The following ZNF707 variants were observed in gnomAD, a reference collection of about 807,000 sequenced individuals.
The protein encoded by ZNF707 is zinc finger protein 707.
In ZNF707, 8 loss-of-function variants were observed where a neutral mutation model predicts 13.3. The ratio of observed to expected loss-of-function variants is 0.60; its 90% CI spans 0.35 to 1.09. The LOEUF (loss-of-function observed/expected upper bound fraction) is 1.09, where lower values mean the gene tolerates loss of function less well. ZNF707 is among the 50% of genes least tolerant of loss of function. ZNF707 has a pLI of 0.02. For synonymous variants in ZNF707, 225 were observed against 205.6 expected, an observed-to-expected ratio of 1.09 and a Z score of -0.81; for missense variants, 530 against 512.6, an observed-to-expected ratio of 1.03 and a Z score of -0.33.
intron 5 of ZNF707, 196 bp downstream of exon 5, chr8:143,691,909 G>T (rs11136313): frequency 0.76 from 818,643 of 1,082,638 alleles, 323,074 homozygotes; most frequent in Non-Finnish European, 0.83. Flanking sequence ...CTGGCCGGGG[G>T]TGGGGCTCGA....
chr8:143,685,488 T>C (rs1263612072), intron 1 of ZNF707, among the ~76,000 whole-genome samples: 1 of 145,562 alleles, frequency 6.9e-6, no homozygotes, highest in Non-Finnish European at 1.5e-5. Context: ...ATCGCGCCAC[T>C]GCACTCCAGC....
Position 143,694,670 on chromosome 8 carries a change from C to T in ZNF707, c.*140C>T, listed in dbSNP as rs554441219. The T allele has an allele frequency of 2.3e-5, 23 of 999,978 alleles. No homozygotes were observed. Among genetic ancestry groups the T allele is most frequent in the Non-Finnish European group, 2.8e-6 (2 of 711,936 alleles). The allele number at this position is 999,978 out of a possible 1,614,324, so 61.9% of individuals were successfully genotyped here. ...TCTTAGTCCTCAGAGCTCCCCAGTC[C>T]CCCGAGAAGTTTACTGGGAAAACTG... On this transcript the variant is annotated 3_prime_UTR_variant, in exon 6 of 6. Transcript: ENST00000358656. The surrounding 1 kb of genome is among the most constrained non-coding windows in gnomAD (Gnocchi z 4.4).
chr8:143,692,084 C>T (rs2131531813), intron 5 of ZNF707: 3 of 1,345,548 alleles, frequency 2.2e-6, no homozygotes. Flanking sequence ...AGGCCTGGTA[C>T]TGACTGCACG....
chr8:143,691,046 C>G, intron 3 of ZNF707, 27 bp from the exon 4 acceptor site: 4 of 1,613,134 alleles, frequency 2.5e-6, no homozygotes, highest in Non-Finnish European at 3.4e-6. Context: ...TTGGGAATGG[C>G]CTCTTCGGGA....
In ZNF707 at chr8:143,694,089, C is replaced by T; in HGVS notation, c.675C>T (p.Asn225=). The change falls in exon 6 of 6, where the codon AAC becomes AAT. Residue 225 remains asparagine, a synonymous_variant. Transcript: ENST00000358656. The surrounding 1 kb of genome is among the most constrained non-coding windows in gnomAD (Gnocchi z 4.4). ...CAAACCTGCAGCGCCACCAGAAGAA[C>T]CACACGCGCGAGAAGCCCTTCTGCT... ...WASNLQRHQK[N]HTREKPFCCE... is the part of the protein sequence containing the mutation. 6.2e-7 allele frequency: 1 copy of T among 1,607,544 alleles called. No homozygotes were observed. Among genetic ancestry groups the T allele is most frequent in the Non-Finnish European group, 8.5e-7 (1 of 1,177,944 alleles).
chr8:143,691,926 T>C lies in ZNF707; in HGVS notation c.256+213T>C, dbSNP rs1015714015. The C allele has an allele frequency of 3.0e-5, 36 of 1,192,002 alleles. No homozygotes were observed. The Admixed American group carries it at 5.7e-4, about 19-fold the overall frequency. The allele number at this position is 1,192,002 out of a possible 1,614,324, so 73.8% of individuals were successfully genotyped here. A position where few individuals can be genotyped will look rare whatever the true frequency, so the allele number is the denominator to read the frequency against. ...GGCCGGGGGTGGGGCTCGAAAGGCA[T>C]AGTGCTGCAGGATGACATACAGCTG... is the stretch of plus-strand genomic sequence containing the variant. On this transcript the variant is annotated intron_variant, in intron 5 of 5. Coordinates refer to ENST00000358656, the MANE Select transcript of ZNF707 (RefSeq NM_001100598.2).
At chr8:143,690,394 A>C in intron 3 of ZNF707, 1 of 460,114 alleles carries the variant, frequency 2.2e-6, no homozygotes, top group Non-Finnish European at 3.8e-6. Context: ...ACACGGTGAA[A>C]CCCCATCTCT....
rs1554614642 is a variant in ZNF707, at chr8:143,694,194, C to A, written c.780C>A (p.Tyr260Ter). Reference protein sequence around the residue: ...HRKVHTEHRPYSCGDCGKAFK... With the variant: ...HRKVHTEHRP The stretch of plus-strand genomic sequence containing the variant: ...AGGTCCACACCGAGCACAGGCCCTA[C>A]TCGTGTGGCGACTGTGGGAAAGCCT... Residue 260 changes from tyrosine (Y) to a stop codon, truncating the protein, a stop_gained, in exon 6 of 6, where the codon TAC becomes TAA. Coordinates refer to ENST00000358656, the MANE Select transcript of ZNF707 (RefSeq NM_001100598.2). LOFTEE classifies it low-confidence loss of function (END_TRUNC). This position sits in a 1 kb window ranked among gnomAD's most constrained non-coding sequence, Gnocchi z 4.4. The A allele has an allele frequency of 6.3e-7, 1 of 1,575,348 alleles. No individual in the cohort carries two copies. The highest frequency in any genetic ancestry group is 8.6e-7 in the Non-Finnish European group (1 of 1,161,126).
chr8:143,684,643 G>A (rs1816083639), intron 1 of ZNF707, 101 bp downstream of exon 1: 1 of 152,298 alleles, frequency 6.6e-6, no homozygotes, highest in Non-Finnish European at 1.5e-5. Flanking sequence ...ACCCAGCGTC[G>A]CGGCTGCTGG....
At position 143,693,616 on chromosome 8, in the gene ZNF707, C is replaced by T. The variant is rs1016769140; in HGVS notation, c.257-55C>T. 4 of 1,481,612 alleles carry T rather than the reference C, an allele frequency of 2.7e-6. No individual in the cohort carries two copies. Among genetic ancestry groups the T allele is most frequent in the East Asian group, 2.4e-5 (1 of 41,780 alleles). The allele number at this position is 1,481,612 out of a possible 1,614,324, so 91.8% of individuals were successfully genotyped here. Reference sequence around the variant, plus strand: ...GGCCTCCTCTGGGCTTTGCTGGAGGCACTGCCTGGCTGTGGGCCACTGGCT... The same window carrying T: ...GGCCTCCTCTGGGCTTTGCTGGAGGTACTGCCTGGCTGTGGGCCACTGGCT... On this transcript the variant is annotated intron_variant, in intron 5 of 5. Coordinates refer to ENST00000358656, the MANE Select transcript of ZNF707 (RefSeq NM_001100598.2). This position sits in a 1 kb window ranked among gnomAD's most constrained non-coding sequence, Gnocchi z 4.1.
In ZNF707 at chr8:143,694,443, C is replaced by G; in HGVS notation, c.1029C>G (p.Phe343Leu). Residue 343 changes from phenylalanine (F) to leucine (L), a missense_variant, in exon 6 of 6, where the codon TTC becomes TTG. Transcript: ENST00000358656. The surrounding 1 kb of genome is among the most constrained non-coding windows in gnomAD (Gnocchi z 4.4). ...IHRRLHLTKR[F>L]YECGHCGKGF... is the part of the protein sequence containing the mutation. ...GGAGGCTGCACCTGACGAAGAGGTT[C>G]TACGAGTGCGGCCACTGTGGGAAAG... is the stretch of plus-strand genomic sequence containing the variant. 6.2e-7 allele frequency: 1 copy of G among 1,612,430 alleles called. No homozygotes were observed. Among genetic ancestry groups the G allele is most frequent in the Non-Finnish European group, 8.5e-7 (1 of 1,179,588 alleles).
rs186111177 is a variant in ZNF707 at position 143,693,759 on chromosome 8, G to T, written c.345G>T (p.Arg115Ser). ...KKTHVRRERA[R>S]EGSSFRKGFR... Reference sequence around the variant, plus strand: ...CCCACGTGCGGCGAGAAAGAGCCAGGGAAGGAAGCAGCTTTAGGAAGGGCT... The same window carrying T: ...CCCACGTGCGGCGAGAAAGAGCCAGTGAAGGAAGCAGCTTTAGGAAGGGCT... The change falls in exon 6 of 6, where the codon AGG becomes AGT. Residue 115 changes from arginine to serine, a missense_variant. Transcript: ENST00000358656. The surrounding 1 kb of genome is among the most constrained non-coding windows in gnomAD (Gnocchi z 4.1). The T allele has an allele frequency of 5.2e-4, 837 of 1,613,134 alleles. 3 individuals are homozygous for T. The African/African-American group carries it at 9.4e-3, about 18-fold the overall frequency.
At chr8:143,691,735 C>A in intron 5 of ZNF707, 22 bp downstream of exon 5, 1 of 1,550,866 alleles carries the variant, frequency 6.4e-7, no homozygotes, top group East Asian at 2.4e-5. Flanking sequence ...GCTGTCTGGG[C>A]TCGGCGGGCC....
In ZNF707 at chr8:143,694,623, C is replaced by T. The variant is rs367801774; in HGVS notation, c.*93C>T. 1 of 1,377,846 alleles carries T rather than the reference C, an allele frequency of 7.3e-7. No individual in the cohort carries two copies. The highest frequency in any genetic ancestry group is 2.5e-5 in the East Asian group (1 of 40,212). 85.4% of individuals were successfully genotyped at this position (1,377,846 alleles called of 1,614,324 possible). A position where few individuals can be genotyped will look rare whatever the true frequency, so the allele number is the denominator to read the frequency against. On this transcript the variant is annotated 3_prime_UTR_variant, in exon 6 of 6. Transcript: ENST00000358656. This position sits in a 1 kb window ranked among gnomAD's most constrained non-coding sequence, Gnocchi z 4.4. ...GAAGTTGCTCTTCAGCCTGGAAAAT[C>T]AACCTGAATTCAGAGAAGCCTTCTT...
intron 1 of ZNF707, among the ~76,000 whole-genome samples, chr8:143,685,846 G>GA (rs1322876511): frequency 9.3e-5 from 14 of 151,344 alleles, no homozygotes; most frequent in South Asian, 6.2e-4. Flanking sequence ...CTGCCTCAGA[G>GA]AAAAAAAAAT....
At position 143,695,341 on chromosome 8, in the gene ZNF707, G is replaced by C. The variant is rs1298207774; in HGVS notation, c.*811G>C. 1 of 152,240 alleles carries C rather than the reference G, an allele frequency of 6.6e-6. No homozygotes were observed. Among genetic ancestry groups the C allele is most frequent in the Non-Finnish European group, 1.5e-5 (1 of 68,046 alleles). 9.4% of individuals were successfully genotyped at this position (152,240 alleles called of 1,614,324 possible). ...GTGGTGTTCCCAAGGGAAGACCCCC[G>C]TGGGAATGGGTCGGGACACTGCCGT... On this transcript the variant is annotated 3_prime_UTR_variant, in exon 6 of 6. Coordinates refer to ENST00000358656, the MANE Select transcript of ZNF707 (RefSeq NM_001100598.2).
Position 143,694,860 on chromosome 8 carries a change from GC to G in ZNF707, c.*333del. 7.3e-6 allele frequency: 2 copies of G among 273,450 alleles called. No homozygotes were observed. The allele number at this position is 273,450 out of a possible 1,614,324, so 16.9% of individuals were successfully genotyped here. ...TCAGAGGCGGAGAAGCCTGCCTGGTGCCCACAGCCGTCTGGCTCAGGGACTC... is the reference window on the plus strand; with the variant it reads ...TCAGAGGCGGAGAAGCCTGCCTGGTGCCACAGCCGTCTGGCTCAGGGACTC... On this transcript the variant is annotated 3_prime_UTR_variant, in exon 6 of 6. Transcript: ENST00000358656. The surrounding 1 kb of genome is among the most constrained non-coding windows in gnomAD (Gnocchi z 4.4).
chr8:143,693,912 C>A lies in ZNF707; in HGVS notation c.498C>A (p.Arg166=). 1 of 1,606,772 alleles carries A rather than the reference C, an allele frequency of 6.2e-7. No homozygotes were observed. Among genetic ancestry groups the A allele is most frequent in the Non-Finnish European group, 8.5e-7 (1 of 1,176,302 alleles). ...GGCGGCGGCCGGGCCGCAGAGAGCG[C>A]CGGAAGCAGCGCGCAGTAGAGCTGT... ...RCGRRPGRRE[R]RKQRAVELSF... is the part of the protein sequence containing the mutation. The change falls in exon 6 of 6, where the codon CGC becomes CGA. Residue 166 remains arginine (R), a synonymous_variant. Transcript: ENST00000358656. The surrounding 1 kb of genome is among the most constrained non-coding windows in gnomAD (Gnocchi z 4.1).
rs1817181202 is a variant in ZNF707 at position 143,694,674 on chromosome 8, G to A, written c.*144G>A. Reference sequence around the variant, plus strand: ...AGTCCTCAGAGCTCCCCAGTCCCCCGAGAAGTTTACTGGGAAAACTGCCAG... The same window carrying A: ...AGTCCTCAGAGCTCCCCAGTCCCCCAAGAAGTTTACTGGGAAAACTGCCAG... On this transcript the variant is annotated 3_prime_UTR_variant, in exon 6 of 6. Transcript: ENST00000358656. The surrounding 1 kb of genome is among the most constrained non-coding windows in gnomAD (Gnocchi z 4.4). The A allele has an allele frequency of 6.1e-6, 6 of 983,144 alleles. No individual in the cohort carries two copies. Among genetic ancestry groups the A allele is most frequent in the African/African-American group, 4.9e-5 (3 of 61,354 alleles). 60.9% of individuals were successfully genotyped at this position (983,144 alleles called of 1,614,324 possible).
Sources: gnomAD v4.1 joint callset for allele counts (sites outside exome capture counted in the v4.1 genomes callset) on GRCh38, gnomAD v4.1.1 for gene constraint, Gnocchi (gnomAD v3.1) non-coding constraint, MANE v1.5 for transcripts, NCBI Gene and HGNC (gene_info 2026-07-23, HGNC 2026-07-21) for gene names.